Variants in CHSY1 observed in about 807,000 individuals in gnomAD.
CHSY1 encodes chondroitin sulfate synthase 1.
A neutral mutation model predicts 59.8 loss-of-function variants in CHSY1; 13 were observed. The ratio of observed to expected loss-of-function variants is 0.22; its 90% CI spans 0.14 to 0.35. CHSY1 has a LOEUF of 0.35. CHSY1 is among the 10% of genes least tolerant of loss of function. The pLI, the probability that CHSY1 is intolerant of heterozygous loss-of-function variation, is 1.00. For missense variants in CHSY1, 947 were observed against 1,030.6 expected (o/e 0.92, Z 1.11); for synonymous variants, 459 against 401.2 (o/e 1.14, Z -1.72).
rs373865862 is a variant in CHSY1 at position 101,239,793 on chromosome 15, C to CTT, written c.321-4217_321-4216insAA. Among the ~76,000 whole-genome samples, 1,438 of 152,338 alleles carry CTT rather than the reference C, an allele frequency of 9.4e-3. 23 individuals carry two copies. The highest frequency in any genetic ancestry group is 0.033 in the African/African-American group (1,369 of 41,588). ...ACAATGTTACAGGAAAGAGGCCTAA[C>CTT]TGCAAATTTCACGAGCATTTCGCGG... On this transcript the variant is annotated intron_variant, in intron 1 of 2. Transcript: ENST00000254190.
intron 2 of CHSY1, among the ~76,000 whole-genome samples, chr15:101,230,944 T>C (rs937991844): frequency 1.3e-5 from 2 of 152,248 alleles, no homozygotes; most frequent in African/African-American, 4.8e-5. Context: ...GGCTCATTAA[T>C]GAACCCTTAA....
At chr15:101,185,028 A>C (rs11638414) in intron 2 of CHSY1, among the ~76,000 whole-genome samples, 15,477 of 152,268 alleles carry the variant, frequency 0.1, 1,113 homozygotes, top group Middle Eastern at 0.19. Context: ...GCAGGTAAGG[A>C]CGAGTACCTC....
Position 101,241,156 on chromosome 15 carries a change from C to T in CHSY1, c.321-5579G>A, listed in dbSNP as rs866979616. ...TGTCGCCCAGGCTGGAGTGCAACAG[C>T]GTGATTTCACTGCAACCTCCGTCTC... On this transcript the variant is annotated intron_variant, in intron 1 of 2. Transcript: ENST00000254190. Among the ~76,000 whole-genome samples, 4 of 152,262 alleles carry T rather than the reference C, an allele frequency of 2.6e-5. No homozygotes were observed. In the South Asian group the frequency reaches 6.2e-4, roughly 24 times the overall value.
In CHSY1 at chr15:101,178,074, C is replaced by T; in HGVS notation, c.1723G>A (p.Asp575Asn). 1 of 1,614,134 alleles carries T rather than the reference C, an allele frequency of 6.2e-7. No homozygotes were observed. The highest frequency in any genetic ancestry group is 8.5e-7 in the Non-Finnish European group (1 of 1,180,022). The change falls in exon 3 of 3, where the codon GAC becomes AAC. Residue 575 changes from aspartate (D) to asparagine (N), a missense_variant. Asp to Asn is a conservative substitution (Grantham distance 23, BLOSUM62 1). Coordinates refer to ENST00000254190, the MANE Select transcript of CHSY1 (RefSeq NM_014918.5). ...VKLVVLLFNSDSNPDKAKQVE... is the reference protein window; with the variant it reads ...VKLVVLLFNSNSNPDKAKQVE... ...TGTTTGGCCTTGTCAGGGTTGGAGT[C>T]AGAATTGAAAAGCAGAACCACGAGC...
chr15:101,235,334 C>G lies in CHSY1; in HGVS notation c.564G>C (p.Leu188Phe). ...CAAGAAAGAGGGGCTCGCTGCTGTT[C>G]AAACTCCTCAGGAAGTTCTCCAGAC... Reference protein sequence around the residue: ...GDRLENFLRSLNSSEPLFLGQ... With the variant: ...GDRLENFLRSFNSSEPLFLGQ... The change falls in exon 2 of 3, where the codon TTG (leucine) becomes TTC (phenylalanine). Residue 188 changes from leucine (L) to phenylalanine (F), a missense_variant. By Grantham distance (22) the Leu-to-Phe change is conservative (BLOSUM62 0). Around this residue, in one of 4 missense-constraint regions of CHSY1, gnomAD observed 108 missense variants for 144.4 expected, o/e 0.75. Transcript: ENST00000254190. 2 of 1,614,218 alleles carry G rather than the reference C, an allele frequency of 1.2e-6. No individual in the cohort carries two copies. Among genetic ancestry groups the G allele is most frequent in the Non-Finnish European group, 1.7e-6 (2 of 1,180,038 alleles).
chr15:101,231,503 G>A (rs1265232658), intron 2 of CHSY1, among the ~76,000 whole-genome samples: 1 of 152,202 alleles, frequency 6.6e-6, no homozygotes, highest in East Asian at 1.9e-4. Flanking sequence ...CCACGTGACA[G>A]TATTGGCTAT....
At chr15:101,214,058 TGTGGGGCTG>T (rs768558381) in intron 2 of CHSY1, among the ~76,000 whole-genome samples, 154 of 152,342 alleles carry the variant, frequency 1.0e-3, no homozygotes, top group Non-Finnish European at 1.6e-3. Context: ...ATCCATCACC[TGTGGGGCTG>T]GTGGGGCAAA....
chr15:101,226,645 C>G (rs995446272), intron 2 of CHSY1, among the ~76,000 whole-genome samples: 6 of 152,212 alleles, frequency 3.9e-5, no homozygotes, highest in African/African-American at 1.4e-4. Context: ...ACACATACTC[C>G]TCTGCACTGT....
At chr15:101,245,218 C>T (rs1052460996) in intron 1 of CHSY1, among the ~76,000 whole-genome samples, 5 of 152,194 alleles carry the variant, frequency 3.3e-5, no homozygotes, top group Non-Finnish European at 7.3e-5. Context: ...CCCTGCCCAC[C>T]ACTCTACCAC....
chr15:101,196,253 T>C lies in CHSY1; in HGVS notation c.817-17273A>G, dbSNP rs566563087. Among the ~76,000 whole-genome samples, 7 of 149,872 alleles carry C rather than the reference T, an allele frequency of 4.7e-5. No individual in the cohort carries two copies. The South Asian group carries it at 1.5e-3, about 32-fold the overall frequency. ...TCAAAAAAAAAAAAAAAAACATATA[T>C]GTAAAATAAGCATACCCTAACTAAA... On this transcript the variant is annotated intron_variant, in intron 2 of 2. Coordinates refer to ENST00000254190, the MANE Select transcript of CHSY1 (RefSeq NM_014918.5).
At chr15:101,240,994 G>C (rs1195956538) in intron 1 of CHSY1, among the ~76,000 whole-genome samples, 4 of 152,106 alleles carry the variant, frequency 2.6e-5, no homozygotes, top group African/African-American at 9.7e-5. Flanking sequence ...GCTTACCAAG[G>C]GAACAAAAGT....
chr15:101,234,226 A>G (rs940474819), intron 2 of CHSY1, among the ~76,000 whole-genome samples: 1 of 152,250 alleles, frequency 6.6e-6, no homozygotes, highest in African/African-American at 2.4e-5. Flanking sequence ...GAAAGCAACA[A>G]CTATATTATA....
chr15:101,237,882 A>G (rs2038963471), intron 1 of CHSY1, among the ~76,000 whole-genome samples: 1 of 152,274 alleles, frequency 6.6e-6, no homozygotes, highest in Non-Finnish European at 1.5e-5. Flanking sequence ...GTTCTTTCAA[A>G]TATTTTTTAT....
chr15:101,206,389 G>A (rs61476847), intron 2 of CHSY1, among the ~76,000 whole-genome samples: 3,426 of 152,188 alleles, frequency 0.023, 43 homozygotes, highest in East Asian at 0.074. Context: ...GGTGGAGGTC[G>A]CAGTGAGGGA....
rs2038207607 is a variant in CHSY1 at position 101,177,468 on chromosome 15, G to C, written c.2329C>G (p.Leu777Val). Reference sequence around the variant, plus strand: ...TTTTTTTCCAGCCACATCTCAGCCAGCTGCTGGGTGGACCCATAGGTCGAT... The same window carrying C: ...TTTTTTTCCAGCCACATCTCAGCCACCTGCTGGGTGGACCCATAGGTCGAT... ...KASTYGSTQQLAEMWLEKNDP... is the reference protein window; with the variant it reads ...KASTYGSTQQVAEMWLEKNDP... The change falls in exon 3 of 3, where the codon CTG (leucine) becomes GTG (valine). Residue 777 changes from leucine (L) to valine (V), a missense_variant. By Grantham distance (32) the Leu-to-Val change is conservative (BLOSUM62 1). Coordinates refer to ENST00000254190, the MANE Select transcript of CHSY1 (RefSeq NM_014918.5). The C allele has an allele frequency of 6.2e-7, 1 of 1,613,102 alleles. No individual in the cohort carries two copies. Among genetic ancestry groups the C allele is most frequent in the South Asian group, 1.1e-5 (1 of 90,762 alleles).
At position 101,177,069 on chromosome 15, in the gene CHSY1, A is replaced by G. The variant is rs1415098444; in HGVS notation, c.*319T>C. On this transcript the variant is annotated 3_prime_UTR_variant, in exon 3 of 3. Coordinates refer to ENST00000254190, the MANE Select transcript of CHSY1 (RefSeq NM_014918.5). ...GTGTTTTGTTACAATAATACTTTGC[A>G]GGAATGTTCACGTTTTCTGCCATAG... 8.6e-6 allele frequency: 2 copies of G among 233,504 alleles called. No individual in the cohort carries two copies. The highest frequency in any genetic ancestry group is 2.0e-4 in the East Asian group (2 of 10,098). 14.5% of individuals were successfully genotyped at this position (233,504 alleles called of 1,614,324 possible).
chr15:101,191,674 G>A (rs1185263436), intron 2 of CHSY1, among the ~76,000 whole-genome samples: 1 of 152,180 alleles, frequency 6.6e-6, no homozygotes, highest in Non-Finnish European at 1.5e-5. Context: ...TGTAGGGGCA[G>A]GCGCCACTTG....
rs1394357560 is a variant in CHSY1 at position 101,251,379 on chromosome 15, G to A, written c.78C>T (p.Leu26=). 7.7e-6 allele frequency: 9 copies of A among 1,166,106 alleles called. No homozygotes were observed. Among genetic ancestry groups the A allele is most frequent in the African/African-American group, 3.3e-5 (2 of 60,118 alleles). 72.2% of individuals were successfully genotyped at this position (1,166,106 alleles called of 1,614,324 possible). A position where few individuals can be genotyped will look rare whatever the true frequency, so the allele number is the denominator to read the frequency against. The change falls in exon 1 of 3, where the codon CTC becomes CTT. Residue 26 remains leucine (L), a synonymous_variant. Coordinates refer to ENST00000254190, the MANE Select transcript of CHSY1 (RefSeq NM_014918.5). ...LVLGFVLASR[L]VLPRASELKR... is the part of the protein sequence containing the mutation. ...TCAGCTCGGAAGCCCGGGGCAGGAC[G>A]AGCCGCGAGGCCAGCACGAAGCCCA...
rs145366751 is a variant in CHSY1 at position 101,187,486 on chromosome 15, AAAACAAACAAAC to A, written c.817-8518_817-8507del. ...AGAGCAGGACTCCATCTCAAAAAAG[AAAACAAACAAAC>A]AAACAAACAAACAAAACTCCAGAAT... is the stretch of plus-strand genomic sequence containing the variant. On this transcript the variant is annotated intron_variant, in intron 2 of 2. Transcript: ENST00000254190. 5 of 152,070 alleles carry A rather than the reference AAAACAAACAAAC, an allele frequency of 3.3e-5. No homozygotes were observed. The South Asian group carries it at 8.3e-4, about 25-fold the overall frequency. The allele number at this position is 152,070 out of a possible 1,614,324, so 9.4% of individuals were successfully genotyped here.
Sources: allele counts gnomAD v4.1 joint callset (sites outside exome capture counted in the v4.1 genomes callset), GRCh38; gene constraint gnomAD v4.1.1; regional missense constraint gnomAD v4.1.1; transcripts MANE v1.5; gene names NCBI Gene and HGNC (gene_info 2026-07-23, HGNC 2026-07-21).